The following SDK1 variants were observed in gnomAD, a reference collection of about 807,000 sequenced individuals.
SDK1 encodes the protein protein sidekick-1.
A neutral mutation model predicts 245.5 loss-of-function variants in SDK1; 157 were observed. That is an observed-to-expected ratio of 0.64 (90% CI 0.56 to 0.73). The LOEUF is 0.73. Ranked by LOEUF, SDK1 falls within the 30% of genes least tolerant of loss-of-function variation. SDK1 has a pLI of 0.00. For synonymous variants in SDK1, 1,647 were observed against 1,278.5 expected (o/e 1.29, Z -6.15); for missense variants, 3,583 against 3,002.3 (o/e 1.19, Z -4.52).
chr7:3,375,968 G>C (rs1468888117), intron 1 of SDK1, among the ~76,000 whole-genome samples: 1 of 152,216 alleles, frequency 6.6e-6, no homozygotes, highest in Non-Finnish European at 1.5e-5. Flanking sequence ...TATTCAGTCA[G>C]TGGTGTGGGG....
intron 5 of SDK1, among the ~76,000 whole-genome samples, chr7:3,868,705 A>C (rs889914090): frequency 1.4e-4 from 22 of 152,148 alleles, no homozygotes; most frequent in African/African-American, 4.8e-4. Flanking sequence ...AAATGTACAT[A>C]TGCACCTTTT....
In SDK1 at chr7:3,301,446, C is replaced by T. The variant is rs1779252064; in HGVS notation, c.-141C>T. 5.9e-6 allele frequency: 1 copy of T among 168,326 alleles called. No homozygotes were observed. Among genetic ancestry groups the T allele is most frequent in the South Asian group, 1.9e-4 (1 of 5,228 alleles). The allele number at this position is 168,326 out of a possible 1,614,324, so 10.4% of individuals were successfully genotyped here. A position where few individuals can be genotyped will look rare whatever the true frequency, so the allele number is the denominator to read the frequency against. On this transcript the variant is annotated 5_prime_UTR_variant, in exon 1 of 45. Coordinates refer to ENST00000404826, the MANE Select transcript of SDK1 (RefSeq NM_152744.4). ...CCTCACGCGGGGACCCAGGACGCCG[C>T]CCCTCAGCGCTGGGCGGCCGCTCAC...
intron 4 of SDK1, among the ~76,000 whole-genome samples, chr7:3,781,059 G>A (rs1780719959): frequency 6.6e-6 from 1 of 151,952 alleles, no homozygotes; most frequent in Non-Finnish European, 1.5e-5. Context: ...ACTCAACTCA[G>A]TCAAAAGCCC....
At chr7:4,188,679 C>CA (rs61628512) in intron 35 of SDK1, among the ~76,000 whole-genome samples, 6,342 of 136,408 alleles carry the variant, frequency 0.046, 376 homozygotes, top group African/African-American at 0.14. Context: ...ACTCTTTCAT[C>CA]AAAAAAAAAA....
chr7:3,813,365 G>A (rs1779432727), intron 4 of SDK1, among the ~76,000 whole-genome samples: 1 of 145,212 alleles, frequency 6.9e-6, no homozygotes, highest in African/African-American at 2.6e-5. Flanking sequence ...GGCGGTGTTT[G>A]GTTTTTTGTT....
chr7:3,549,781 C>T (rs1198324358), intron 1 of SDK1, among the ~76,000 whole-genome samples: 1 of 152,118 alleles, frequency 6.6e-6, no homozygotes. Flanking sequence ...CTGTTCTCTA[C>T]CATTTCCTTC....
intron 14 of SDK1, among the ~76,000 whole-genome samples, chr7:3,987,864 C>T (rs920007824): frequency 6.6e-6 from 1 of 152,166 alleles, no homozygotes; most frequent in African/African-American, 2.4e-5. Context: ...CCAAGCCCTC[C>T]TTCCCTTCTC....
intron 5 of SDK1, among the ~76,000 whole-genome samples, chr7:3,930,780 G>A (rs556173152): frequency 1.4e-3 from 216 of 152,198 alleles, no homozygotes; most frequent in African/African-American, 4.8e-3. Context: ...GTGACAGAGT[G>A]ACACTCTGTC....
intron 1 of SDK1, among the ~76,000 whole-genome samples, chr7:3,417,244 G>A (rs928835006): frequency 2.6e-5 from 4 of 152,138 alleles, no homozygotes; most frequent in African/African-American, 4.8e-5. Flanking sequence ...TTGGCAATAA[G>A]CTAAAGTGTA....
intron 30 of SDK1, among the ~76,000 whole-genome samples, chr7:4,157,453 GGT>G: frequency 1.1e-5 from 1 of 94,782 alleles, no homozygotes; most frequent in South Asian, 3.3e-4. Flanking sequence ...AGGGAAGGGA[GGT>G]GGAAGGGAGA....
chr7:3,955,737 A>T (rs905017533), intron 7 of SDK1, among the ~76,000 whole-genome samples: 15 of 152,324 alleles, frequency 9.8e-5, no homozygotes, highest in African/African-American at 3.1e-4. Flanking sequence ...AGCATTGGGG[A>T]TGGGAGAGCA....
At chr7:3,340,443 C>A (rs138852431) in intron 1 of SDK1, among the ~76,000 whole-genome samples, 788 of 152,228 alleles carry the variant, frequency 5.2e-3, no homozygotes, top group Non-Finnish European at 8.3e-3. Flanking sequence ...TGTCACTAAT[C>A]TTCAATTTGT....
chr7:3,800,563 A>G (rs993443741), intron 4 of SDK1, among the ~76,000 whole-genome samples: 2 of 151,666 alleles, frequency 1.3e-5, no homozygotes, highest in Non-Finnish European at 2.9e-5. Flanking sequence ...TTGTATTTTT[A>G]CTAGAGACGG....
At chr7:4,007,524 A>G (rs897321981) in intron 14 of SDK1, among the ~76,000 whole-genome samples, 85 of 152,266 alleles carry the variant, frequency 5.6e-4, no homozygotes, top group African/African-American at 2.0e-3. Flanking sequence ...CCAAGCTTAC[A>G]GCTAGATGCT....
chr7:3,943,888 A>G (rs1215894263), intron 5 of SDK1, among the ~76,000 whole-genome samples: 2 of 152,130 alleles, frequency 1.3e-5, no homozygotes, highest in African/African-American at 4.8e-5. Flanking sequence ...TCCTGTAACT[A>G]CAAAGAGGCG....
intron 25 of SDK1, among the ~76,000 whole-genome samples, chr7:4,118,003 C>G (rs1259019475): frequency 6.6e-6 from 1 of 151,998 alleles, no homozygotes; most frequent in African/African-American, 2.4e-5. Context: ...TATGGATGGC[C>G]CAGGAACTCC....
intron 1 of SDK1, among the ~76,000 whole-genome samples, chr7:3,438,152 C>T (rs1780083863): frequency 6.6e-6 from 1 of 152,172 alleles, no homozygotes; most frequent in Non-Finnish European, 1.5e-5. Flanking sequence ...TAATGTTCTG[C>T]ATTGCATGGT....
Position 3,721,553 on chromosome 7 carries a change from A to G in SDK1, c.713+79448A>G, listed in dbSNP as rs185481769. On this transcript the variant is annotated intron_variant, in intron 4 of 44. Coordinates refer to ENST00000404826, the MANE Select transcript of SDK1 (RefSeq NM_152744.4). Reference sequence around the variant, plus strand: ...GAGGAGGGCCTTGAGATGATTTGGTAACACCTCTGTGGGTGCACCCTTCTG... The same window carrying G: ...GAGGAGGGCCTTGAGATGATTTGGTGACACCTCTGTGGGTGCACCCTTCTG... 5.7e-4 allele frequency among the ~76,000 whole-genome samples: 87 copies of G among 152,344 alleles called. 1 individual carries two copies. The highest frequency in any genetic ancestry group is 2.0e-3 in the African/African-American group (84 of 41,582).
chr7:3,941,295 G>A (rs970881996), intron 5 of SDK1, among the ~76,000 whole-genome samples: 3 of 151,962 alleles, frequency 2.0e-5, no homozygotes, highest in African/African-American at 7.3e-5. Flanking sequence ...TTTGGTTGTG[G>A]CTCCCTGACC....
Sources: gnomAD v4.1 joint callset for allele counts (sites outside exome capture counted in the v4.1 genomes callset) on GRCh38, gnomAD v4.1.1 for gene constraint, MANE v1.5 for transcripts, NCBI Gene and HGNC (gene_info 2026-07-23, HGNC 2026-07-21) for gene names.